The following SRGAP3 variants were observed in gnomAD, a reference collection of about 807,000 sequenced individuals.
The protein encoded by SRGAP3 is SLIT-ROBO Rho GTPase activating protein 3.
A neutral mutation model predicts 121.1 loss-of-function variants in SRGAP3; 39 were observed. That is an observed-to-expected ratio of 0.32 (90% CI 0.25 to 0.42). SRGAP3 has a LOEUF of 0.42. Among genes scored for constraint, SRGAP3 ranks in the 10% least tolerant of loss-of-function variants. The pLI, the probability that SRGAP3 is intolerant of heterozygous loss-of-function variation, is 1.00. For synonymous variants in SRGAP3, 601 were observed against 570.0 expected (o/e 1.05, Z -0.77); for missense variants, 1,213 against 1,470.6 (o/e 0.82, Z 2.86).
intron 2 of SRGAP3, among the ~76,000 whole-genome samples, chr3:9,111,345 A>AT (rs147275418): frequency 0.06 from 9,154 of 152,282 alleles, 337 homozygotes; most frequent in Non-Finnish European, 0.076. Flanking sequence ...CCAAAGGAAG[A>AT]GTTGGAGGGC....
chr3:9,353,294 A>G (rs146717181), intron 1 of SRGAP3, among the ~76,000 whole-genome samples: 378 of 152,296 alleles, frequency 2.5e-3, no homozygotes, highest in Non-Finnish European at 4.2e-3. Context: ...TGACTCCTAT[A>G]CTAACTCAAT....
At chr3:9,186,482 C>A (rs545687249) in intron 1 of SRGAP3, among the ~76,000 whole-genome samples, 1 of 152,312 alleles carries the variant, frequency 6.6e-6, no homozygotes, top group East Asian at 1.9e-4. Context: ...TTATCAATAT[C>A]ATCTCTTATG....
At chr3:9,087,673 T>C (rs908856950) in intron 3 of SRGAP3, among the ~76,000 whole-genome samples, 1 of 152,126 alleles carries the variant, frequency 6.6e-6, no homozygotes, top group Non-Finnish European at 1.5e-5. Context: ...GAGATAAGCC[T>C]GAGACAGAGG....
At chr3:9,268,732 A>G (rs539063045) in intron 3 of SRGAP3, among the ~76,000 whole-genome samples, 1 of 152,182 alleles carries the variant, frequency 6.6e-6, no homozygotes, top group Non-Finnish European at 1.5e-5. Context: ...GTAATTTGGT[A>G]CACAGCAATC....
chr3:9,342,668 C>T (rs1575019742), intron 1 of SRGAP3, among the ~76,000 whole-genome samples: 2 of 152,220 alleles, frequency 1.3e-5, no homozygotes, highest in Admixed American at 1.3e-4. Context: ...CAACATGTGC[C>T]TATGGCACAG....
chr3:9,143,989 ATT>A (rs1039405105), intron 1 of SRGAP3, among the ~76,000 whole-genome samples: 13 of 152,170 alleles, frequency 8.5e-5, no homozygotes, highest in Admixed American at 2.6e-4. Flanking sequence ...AAAAATCCTC[ATT>A]GTCTCTGACT....
At chr3:9,360,239 T>C (rs942891126) in intron 1 of SRGAP3, among the ~76,000 whole-genome samples, 7 of 152,198 alleles carry the variant, frequency 4.6e-5, no homozygotes, top group Non-Finnish European at 4.4e-5. Context: ...TGTGTACAAG[T>C]TTTTGTTTGA....
At chr3:9,103,285 C>A (rs1392777799) in intron 3 of SRGAP3, among the ~76,000 whole-genome samples, 2 of 152,222 alleles carry the variant, frequency 1.3e-5, no homozygotes, top group Admixed American at 1.3e-4. Flanking sequence ...ACCCCTGAAA[C>A]TGGCACCTGG....
At chr3:9,264,978 A>T (rs1171387035) in intron 3 of SRGAP3, among the ~76,000 whole-genome samples, 6 of 152,242 alleles carry the variant, frequency 3.9e-5, no homozygotes, top group African/African-American at 1.2e-4. Flanking sequence ...AAATTATACT[A>T]CAAGGCTACA....
At chr3:9,271,122 C>T (rs1263952082) in intron 3 of SRGAP3, among the ~76,000 whole-genome samples, 1 of 152,130 alleles carries the variant, frequency 6.6e-6, no homozygotes, top group Admixed American at 6.6e-5. Flanking sequence ...TCACTTGAGG[C>T]CAGGAGTTCA....
intron 4 of SRGAP3, among the ~76,000 whole-genome samples, chr3:9,067,830 G>A (rs1409049577): frequency 6.6e-6 from 1 of 152,058 alleles, no homozygotes; most frequent in African/African-American, 2.4e-5. Flanking sequence ...AGTCCATTGA[G>A]TTATTTGGAT....
chr3:9,057,099 G>A (rs367848030), intron 7 of SRGAP3, among the ~76,000 whole-genome samples: 82 of 152,120 alleles, frequency 5.4e-4, no homozygotes, highest in African/African-American at 1.8e-3. Context: ...TGTTGTTGTC[G>A]TTGTTTTTTA....
chr3:9,101,807 C>A (rs1948226466), intron 3 of SRGAP3, among the ~76,000 whole-genome samples: 1 of 152,168 alleles, frequency 6.6e-6, no homozygotes, highest in Non-Finnish European at 1.5e-5. Context: ...CTAACGATGG[C>A]CTCCTGGATC....
At chr3:9,175,812 C>T (rs1027030092) in intron 1 of SRGAP3, among the ~76,000 whole-genome samples, 15 of 152,334 alleles carry the variant, frequency 9.8e-5, no homozygotes, top group African/African-American at 2.9e-4. Flanking sequence ...AAAAGGGCTC[C>T]GTTATCAGCA....
upstream of SRGAP3, among the ~76,000 whole-genome samples, chr3:9,251,344 C>A (rs868178442): frequency 2.6e-5 from 4 of 152,302 alleles, no homozygotes; most frequent in African/African-American, 9.6e-5. Context: ...TTGCCATCAC[C>A]CCACTGCCTC....
At chr3:9,202,244 G>C (rs893129654) in intron 1 of SRGAP3, among the ~76,000 whole-genome samples, 2 of 152,212 alleles carry the variant, frequency 1.3e-5, no homozygotes, top group Non-Finnish European at 2.9e-5. Context: ...CGCCCTTGAG[G>C]CAGTTGGACT....
In SRGAP3 at chr3:9,173,990, C is replaced by T. The variant is rs563088810; in HGVS notation, c.68-49073G>A. Among the ~76,000 whole-genome samples the T allele has an allele frequency of 4.0e-4, 60 of 150,624 alleles. 1 individual carries two copies. The South Asian group carries it at 0.012, about 31-fold the overall frequency. ...GGAGCACCATTCATAATGTGTCCAT[C>T]GACGGATGGATGGGTCAACCAGATG... On this transcript the variant is annotated intron_variant, in intron 1 of 21. Transcript: ENST00000383836.
At position 8,984,325 on chromosome 3, in the gene SRGAP3, C is replaced by A. The variant is rs1331458789; in HGVS notation, c.*1194G>T. 4.3e-6 allele frequency: 1 copy of A among 230,278 alleles called. No individual in the cohort carries two copies. The highest frequency in any genetic ancestry group is 2.2e-5 in the African/African-American group (1 of 45,190). 14.3% of individuals were successfully genotyped at this position (230,278 alleles called of 1,614,324 possible). A position where few individuals can be genotyped will look rare whatever the true frequency, so the allele number is the denominator to read the frequency against. ...CACGGCTCATGCGTTTCATGCAAGA[C>A]GGCACCAGCCACAGTGCATCACAGC... On this transcript the variant is annotated 3_prime_UTR_variant, in exon 22 of 22. Coordinates refer to ENST00000383836, the MANE Select transcript of SRGAP3 (RefSeq NM_014850.4).
intron 14 of SRGAP3, among the ~76,000 whole-genome samples, chr3:9,024,721 T>C (rs573309869): frequency 6.6e-6 from 1 of 152,216 alleles, no homozygotes; most frequent in Non-Finnish European, 1.5e-5. Flanking sequence ...TTCCCCGCAA[T>C]GTGTGGCTTG....
Sources: allele counts gnomAD v4.1 joint callset (sites outside exome capture counted in the v4.1 genomes callset), GRCh38; gene constraint gnomAD v4.1.1; transcripts MANE v1.5; gene names NCBI Gene and HGNC (gene_info 2026-07-23, HGNC 2026-07-21).